Variants in TENM2 observed in about 807,000 individuals in gnomAD.
TENM2 encodes teneurin-2.
Under a neutral mutation model 245.2 loss-of-function variants are expected in TENM2, and 52 were observed. The observed-to-expected ratio is 0.21, with a 90% CI of 0.17 to 0.27. TENM2 has a LOEUF of 0.27. TENM2 is among the 10% of genes least tolerant of loss of function. TENM2 has a pLI of 1.00. For synonymous variants in TENM2, 1,363 were observed against 1,438.9 expected, an observed-to-expected ratio of 0.95 and a Z score of 1.19; for missense variants, 3,046 against 3,666.8, an observed-to-expected ratio of 0.83 and a Z score of 4.37.
chr5:167,594,907 T>A (rs1007124839), intron 2 of TENM2, among the ~76,000 whole-genome samples: 4 of 152,304 alleles, frequency 2.6e-5, no homozygotes, highest in Admixed American at 1.3e-4. Flanking sequence ...GAAAGGTTGA[T>A]TGTTTCTGGC....
chr5:167,194,821 C>T, the TENM2 span, among the ~76,000 whole-genome samples: 1 of 151,962 alleles, frequency 6.6e-6, no homozygotes. Context: ...CCTCACAAAA[C>T]CTCGGAAGGA....
intron 2 of TENM2, among the ~76,000 whole-genome samples, chr5:167,804,256 G>T (rs1286190714): frequency 6.6e-6 from 1 of 151,814 alleles, no homozygotes; most frequent in African/African-American, 2.4e-5. Flanking sequence ...TAGTTTCTAT[G>T]ATAATAAAAT....
chr5:167,531,295 A>G (rs939190905), intron 2 of TENM2, among the ~76,000 whole-genome samples: 2 of 152,070 alleles, frequency 1.3e-5, no homozygotes, highest in Admixed American at 6.6e-5. Flanking sequence ...GCAGTCTACT[A>G]TTTCTTTTTC....
At chr5:167,091,021 C>T in the TENM2 span, among the ~76,000 whole-genome samples, 1 of 152,074 alleles carries the variant, frequency 6.6e-6, no homozygotes, top group African/African-American at 2.4e-5. Flanking sequence ...TATTATTGGC[C>T]CTATGTTTGG....
chr5:167,885,250 T>C (rs1774192526), intron 3 of TENM2, among the ~76,000 whole-genome samples: 1 of 152,232 alleles, frequency 6.6e-6, no homozygotes, highest in African/African-American at 2.4e-5. Context: ...GTTTTTAATC[T>C]TGGTGTGGTC....
chr5:167,745,558 A>G (rs1761500236), intron 2 of TENM2, among the ~76,000 whole-genome samples: 1 of 152,204 alleles, frequency 6.6e-6, no homozygotes, highest in South Asian at 2.1e-4. Context: ...ATTAGAAGCT[A>G]TTTTTAGCTT....
intron 2 of TENM2, among the ~76,000 whole-genome samples, chr5:167,836,200 T>C (rs954925048): frequency 3.3e-5 from 5 of 152,242 alleles, no homozygotes; most frequent in African/African-American, 1.2e-4. Context: ...CCAGCCTAAC[T>C]GAGAACCATT....
chr5:167,741,622 G>T (rs927334800), intron 2 of TENM2, among the ~76,000 whole-genome samples: 20 of 152,166 alleles, frequency 1.3e-4, no homozygotes, highest in African/African-American at 4.8e-4. Flanking sequence ...CTGATTTTCA[G>T]ATTCTGCTAT....
At chr5:167,268,232 T>C in the TENM2 span, among the ~76,000 whole-genome samples, 1 of 152,128 alleles carries the variant, frequency 6.6e-6, no homozygotes, top group East Asian at 1.9e-4. Flanking sequence ...ATGCCAGAAA[T>C]AATGGACAAA....
downstream of TENM2, chr5:168,263,683 A>C (rs969432696): frequency 6.6e-6 from 1 of 152,624 alleles, no homozygotes; most frequent in Non-Finnish European, 1.5e-5. Flanking sequence ...TGGAGATTCC[A>C]TTGTGGACAG....
At chr5:167,544,931 G>A (rs1363781206) in intron 2 of TENM2, among the ~76,000 whole-genome samples, 1 of 152,150 alleles carries the variant, frequency 6.6e-6, no homozygotes, top group African/African-American at 2.4e-5. Context: ...TATTCTGTAA[G>A]GGCTTGTTTT....
the TENM2 span, among the ~76,000 whole-genome samples, chr5:166,984,287 A>C: frequency 6.6e-6 from 1 of 152,132 alleles, no homozygotes; most frequent in African/African-American, 2.4e-5. Flanking sequence ...GGGAGGATGT[A>C]ATTGGTGTGA....
At chr5:167,968,232 C>T (rs1336435703) in intron 4 of TENM2, among the ~76,000 whole-genome samples, 1 of 152,150 alleles carries the variant, frequency 6.6e-6, no homozygotes, top group African/African-American at 2.4e-5. Flanking sequence ...TGGGGCCATT[C>T]TGTGAGTATT....
intron 2 of TENM2, among the ~76,000 whole-genome samples, chr5:167,578,992 G>A (rs978019679): frequency 1.3e-5 from 2 of 152,084 alleles, no homozygotes; most frequent in African/African-American, 4.8e-5. Context: ...AGGTGGACAC[G>A]GTCACCAACA....
intron 2 of TENM2, among the ~76,000 whole-genome samples, chr5:167,410,401 AT>A (rs1230125480): frequency 6.6e-6 from 1 of 152,024 alleles, no homozygotes; most frequent in Non-Finnish European, 1.5e-5. Context: ...TGATGAATTG[AT>A]TTATTCCATT....
chr5:168,048,059 G>C (rs1489268824), intron 6 of TENM2, among the ~76,000 whole-genome samples: 2 of 152,206 alleles, frequency 1.3e-5, no homozygotes, highest in African/African-American at 4.8e-5. Flanking sequence ...CTGTGCTTTG[G>C]GGGAGAATAG....
In TENM2 at chr5:168,231,764, AAAC is replaced by A. The variant is rs375964905; in HGVS notation, c.5520+3647_5520+3649del. On this transcript the variant is annotated intron_variant, in intron 25 of 28. Transcript: ENST00000518659. The stretch of plus-strand genomic sequence containing the variant: ...AGCAAAACCCTGTCTCTACAACAAC[AAAC>A]AACAACAACAACCAAAAAAAAAAAA... Among the ~76,000 whole-genome samples, 561 of 151,764 alleles carry A rather than the reference AAAC, an allele frequency of 3.7e-3. 3 individuals carry two copies. Among genetic ancestry groups the A allele is most frequent in the African/African-American group, 0.013 (535 of 41,202 alleles).
chr5:168,066,173 A>T (rs563005278), intron 7 of TENM2, among the ~76,000 whole-genome samples: 11 of 152,360 alleles, frequency 7.2e-5, no homozygotes, highest in African/African-American at 2.6e-4. Flanking sequence ...TCATTCAAGG[A>T]CACAGACCTA....
At chr5:168,062,027 T>C (rs1223477342) in intron 6 of TENM2, 33 bp from the exon 9 acceptor site, 3 of 1,565,890 alleles carry the variant, frequency 1.9e-6, no homozygotes, top group East Asian at 2.3e-5. Context: ...ATACACGTCA[T>C]TGACTGCTGT....
Sources: allele counts gnomAD v4.1 joint callset (sites outside exome capture counted in the v4.1 genomes callset), GRCh38; gene constraint gnomAD v4.1.1; transcripts MANE v1.5; gene names NCBI Gene and HGNC (gene_info 2026-07-23, HGNC 2026-07-21).